The following WDR7 variants were observed in gnomAD, a reference collection of about 807,000 sequenced individuals.
WDR7 encodes WD repeat-containing protein 7.
A neutral mutation model predicts 169.4 loss-of-function variants in WDR7; 46 were observed. The observed-to-expected ratio is 0.27, with a 90% confidence interval of 0.21 to 0.35. WDR7 has a LOEUF of 0.35. Ranked by LOEUF, WDR7 falls within the 10% of genes least tolerant of loss-of-function variation. The pLI is 1.00. For missense variants in WDR7, 1,534 were observed against 1,859.3 expected (o/e 0.83, Z 3.22); for synonymous variants, 612 against 666.8 (o/e 0.92, Z 1.27).
At chr18:56,697,713 G>A (rs2025734014) in intron 12 of WDR7, among the ~76,000 whole-genome samples, 1 of 152,032 alleles carries the variant, frequency 6.6e-6, no homozygotes. Flanking sequence ...TTTTCTGAAT[G>A]CACATTTGGT....
intron 20 of WDR7, among the ~76,000 whole-genome samples, chr18:56,870,562 A>G (rs2045939149): frequency 6.6e-6 from 1 of 152,258 alleles, no homozygotes; most frequent in Non-Finnish European, 1.5e-5. Flanking sequence ...ATGTAAATAT[A>G]GAATTAACAT....
At chr18:56,859,614 T>C (rs1013888317) in intron 20 of WDR7, among the ~76,000 whole-genome samples, 1 of 152,218 alleles carries the variant, frequency 6.6e-6, no homozygotes. Flanking sequence ...TAGTCCCTAG[T>C]ATGCCTTCCC....
At chr18:56,702,148 C>T (rs772880570) in intron 12 of WDR7, among the ~76,000 whole-genome samples, 15 of 152,090 alleles carry the variant, frequency 9.9e-5, no homozygotes, top group Non-Finnish European at 2.1e-4. Flanking sequence ...TGGAGTGCTG[C>T]GGCAGGAAAC....
intron 21 of WDR7, among the ~76,000 whole-genome samples, chr18:56,890,123 G>A (rs1000645234): frequency 2.0e-5 from 3 of 152,150 alleles, no homozygotes; most frequent in African/African-American, 7.2e-5. Flanking sequence ...CACTGCAGGA[G>A]TTTGTTGAAA....
chr18:56,797,799 TAAAC>T (rs1279933932), intron 19 of WDR7, among the ~76,000 whole-genome samples: 1 of 152,180 alleles, frequency 6.6e-6, no homozygotes, highest in Non-Finnish European at 1.5e-5. Flanking sequence ...TTAAGTCAGT[TAAAC>T]AAATTGTATT....
At chr18:57,009,198 A>G (rs2048105689) in intron 26 of WDR7, among the ~76,000 whole-genome samples, 1 of 152,232 alleles carries the variant, frequency 6.6e-6, no homozygotes, top group Non-Finnish European at 1.5e-5. Context: ...CAAAAGTAGA[A>G]GGTTAATTTT....
intron 26 of WDR7, among the ~76,000 whole-genome samples, chr18:56,981,241 A>G (rs898227082): frequency 6.6e-6 from 1 of 152,204 alleles, no homozygotes; most frequent in African/African-American, 2.4e-5. Context: ...TGGCATGAGG[A>G]GCTGAATAGA....
intron 20 of WDR7, among the ~76,000 whole-genome samples, chr18:56,850,731 T>C (rs1391025921): frequency 6.6e-6 from 1 of 152,154 alleles, no homozygotes; most frequent in South Asian, 2.1e-4. Flanking sequence ...TAGGTTGGTC[T>C]TGAACTCCTG....
intron 19 of WDR7, among the ~76,000 whole-genome samples, chr18:56,782,697 C>T (rs2044337325): frequency 6.6e-6 from 1 of 152,018 alleles, no homozygotes; most frequent in African/African-American, 2.4e-5. Context: ...TCAAGATGGA[C>T]AGTACATTAT....
intron 22 of WDR7, among the ~76,000 whole-genome samples, chr18:56,929,345 A>G (rs536943452): frequency 6.6e-6 from 1 of 152,340 alleles, no homozygotes; most frequent in South Asian, 2.1e-4. Context: ...ACATATCAGT[A>G]AACTCTTGAG....
intron 1 of WDR7, among the ~76,000 whole-genome samples, chr18:56,656,123 A>G (rs748826891): frequency 4.6e-5 from 7 of 152,048 alleles, no homozygotes; most frequent in Admixed American, 6.6e-5. Context: ...GCCCAGGGAC[A>G]TGGTTGCTGG....
At chr18:56,975,010 C>T (rs1040938259) in intron 26 of WDR7, among the ~76,000 whole-genome samples, 5 of 152,034 alleles carry the variant, frequency 3.3e-5, no homozygotes, top group Admixed American at 2.0e-4. Flanking sequence ...GAGGCTGAGG[C>T]GGGTGGATCA....
intron 16 of WDR7, among the ~76,000 whole-genome samples, chr18:56,769,856 A>C (rs979421386): frequency 2.0e-5 from 3 of 152,226 alleles, no homozygotes; most frequent in African/African-American, 7.2e-5. Context: ...CATAGAGTCC[A>C]TACATCATAT....
intron 19 of WDR7, among the ~76,000 whole-genome samples, chr18:56,796,048 G>A (rs2044579728): frequency 6.6e-6 from 1 of 152,144 alleles, no homozygotes; most frequent in Admixed American, 6.6e-5. Context: ...TTTTTACCTG[G>A]AAATCACAAC....
chr18:56,932,272 C>T (rs1490328889), intron 22 of WDR7, among the ~76,000 whole-genome samples: 2 of 152,190 alleles, frequency 1.3e-5, no homozygotes, highest in African/African-American at 2.4e-5. Context: ...CCCTCAGGTG[C>T]GCACACTGAT....
At chr18:57,032,883 A>G (rs890703622), downstream of WDR7, 3 of 145,286 alleles carry the variant, frequency 2.1e-5, no homozygotes, top group African/African-American at 7.5e-5. Context: ...AATAAATATA[A>G]TGCATTTGAA....
chr18:56,815,992 T>C, intron 19 of WDR7, 39 bp from the exon 20 acceptor site: 1 of 1,494,828 alleles, frequency 6.7e-7, no homozygotes, highest in Non-Finnish European at 9.0e-7. Flanking sequence ...TTACTTTTCA[T>C]TTTTTGAAGT....
At chr18:56,909,141 A>G (rs1389174854) in intron 21 of WDR7, among the ~76,000 whole-genome samples, 1 of 152,108 alleles carries the variant, frequency 6.6e-6, no homozygotes, top group Non-Finnish European at 1.5e-5. Context: ...CCAGTTTGTT[A>G]CCCAAGATCA....
At chr18:56,918,541 A>G (rs927451946) in intron 21 of WDR7, among the ~76,000 whole-genome samples, 1 of 152,190 alleles carries the variant, frequency 6.6e-6, no homozygotes, top group African/African-American at 2.4e-5. Flanking sequence ...ATTAGAGAAT[A>G]CCACTCTATT....
Sources: allele counts gnomAD v4.1 joint callset (sites outside exome capture counted in the v4.1 genomes callset), GRCh38; gene constraint gnomAD v4.1.1; transcripts MANE v1.5; gene names NCBI Gene and HGNC (gene_info 2026-07-23, HGNC 2026-07-21).